ZNF681: variants seen among roughly 807,000 people sequenced by gnomAD.
The protein encoded by ZNF681 is zinc finger protein 681.
ZNF681 carries 37 observed loss-of-function variants against 56.0 expected under a neutral mutation model. The observed-to-expected ratio is 0.66, with a 90% CI of 0.51 to 0.87. The LOEUF (loss-of-function observed/expected upper bound fraction) is 0.87, where lower values mean the gene tolerates loss of function less well. Ranked by LOEUF, ZNF681 falls within the 40% of genes least tolerant of loss-of-function variation. ZNF681 has a pLI of 0.00. For missense variants in ZNF681, 741 were observed against 744.9 expected (o/e 0.99, Z 0.06); for synonymous variants, 225 against 248.6 (o/e 0.91, Z 0.89).
chr19:23,749,786 T>C (rs1251699922), intron 3 of ZNF681, among the ~76,000 whole-genome samples: 2 of 116,550 alleles, frequency 1.7e-5, no homozygotes, highest in East Asian at 2.5e-4. Context: ...TTTTATGTTA[T>C]GTGTTTTTAC....
intron 3 of ZNF681, among the ~76,000 whole-genome samples, chr19:23,753,235 C>A (rs1005590619): frequency 5.3e-5 from 8 of 152,280 alleles, no homozygotes; most frequent in Admixed American, 3.9e-4. Flanking sequence ...CCCATCTATA[C>A]TAAAAATACA....
intron 3 of ZNF681, among the ~76,000 whole-genome samples, chr19:23,752,939 G>A (rs1430355744): frequency 6.6e-6 from 1 of 151,874 alleles, no homozygotes; most frequent in Non-Finnish European, 1.5e-5. Flanking sequence ...AGACAAGTAA[G>A]TAAAAAGTTG....
chr19:23,749,701 A>C (rs1161074878), intron 3 of ZNF681, among the ~76,000 whole-genome samples: 1 of 152,104 alleles, frequency 6.6e-6, no homozygotes, highest in African/African-American at 2.4e-5. Context: ...TCCTGCCTTA[A>C]GATCCTCAAA....
In ZNF681 at chr19:23,741,396, C is replaced by T. The variant is rs960305965; in HGVS notation, c.*2216G>A. 3 of 152,050 alleles carry T rather than the reference C, an allele frequency of 2.0e-5. No homozygotes were observed. Among genetic ancestry groups the T allele is most frequent in the Admixed American group, 6.6e-5 (1 of 15,246 alleles). 9.4% of individuals were successfully genotyped at this position (152,050 alleles called of 1,614,324 possible). A position where few individuals can be genotyped will look rare whatever the true frequency, so the allele number is the denominator to read the frequency against. On this transcript the variant is annotated 3_prime_UTR_variant, in exon 4 of 4. Coordinates refer to ENST00000402377, the MANE Select transcript of ZNF681 (RefSeq NM_138286.3). The stretch of plus-strand genomic sequence containing the variant: ...ACCATAAAAGAGACCCTGTAGCCAA[C>T]AACAATTTAATGTACATTTGAAAAC...
chr19:23,750,859 C>T (rs1268572120), intron 3 of ZNF681, among the ~76,000 whole-genome samples: 1 of 150,300 alleles, frequency 6.7e-6, no homozygotes, highest in Admixed American at 6.6e-5. Context: ...CGCAGTGGCT[C>T]ACACCTGTAA....
At chr19:23,753,938 C>T (rs937353800) in intron 3 of ZNF681, among the ~76,000 whole-genome samples, 6 of 148,514 alleles carry the variant, frequency 4.0e-5, no homozygotes, top group Admixed American at 2.7e-4. Flanking sequence ...ATTCCAGTGG[C>T]GTTTTACAGT....
In ZNF681 at chr19:23,745,219, A is replaced by C. The variant is rs968031763; in HGVS notation, c.331T>G (p.Leu111Val). 1.9e-6 allele frequency: 3 copies of C among 1,611,978 alleles called. No individual in the cohort carries two copies. Among genetic ancestry groups the C allele is most frequent in the African/African-American group, 2.7e-5 (2 of 74,756 alleles). ...TCATCCACACTTTTACTTAACTGTA[A>C]ATTCTCATGTTCACATTTTCCATAT... is the stretch of plus-strand genomic sequence containing the variant. ...RRYGKCEHEN[L>V]QLSKSVDECK... The change falls in exon 4 of 4, where the codon TTA becomes GTA. Residue 111 changes from leucine (L) to valine (V), a missense_variant. Leu to Val is a conservative substitution (Grantham distance 32). Coordinates refer to ENST00000402377, the MANE Select transcript of ZNF681 (RefSeq NM_138286.3).
At position 23,755,562 on chromosome 19, in the gene ZNF681, C is replaced by CAA. The variant is rs1344220086; in HGVS notation, c.4-12_4-11insTT. ...AAATTTCAATGGTTCCTGAAAAACA[C>CAA]ACACACACACACACACACACACACA... On this transcript the variant is annotated splice_polypyrimidine_tract_variant and intron_variant, in intron 1 of 3. Transcript: ENST00000402377. The CAA allele has an allele frequency of 7.8e-7, 1 of 1,276,426 alleles. No homozygotes were observed. The highest frequency in any genetic ancestry group is 1.9e-5 in the African/African-American group (1 of 53,936). The allele number at this position is 1,276,426 out of a possible 1,614,324, so 79.1% of individuals were successfully genotyped here.
At chr19:23,758,721 C>T in intron 1 of ZNF681, 26 bp downstream of exon 1, 1 of 1,614,196 alleles carries the variant, frequency 6.2e-7, no homozygotes, top group Non-Finnish European at 8.5e-7. Flanking sequence ...TCCCCTCTCT[C>T]GGGATGTCGG....
rs1360228238 is a variant in ZNF681 at position 23,743,693 on chromosome 19, T to C, written c.1857A>G (p.Lys619=). The change falls in exon 4 of 4, where the codon AAA becomes AAG. Residue 619 remains lysine, a synonymous_variant. Coordinates refer to ENST00000402377, the MANE Select transcript of ZNF681 (RefSeq NM_138286.3). ...KKIHTGEKLY[K]PKRCNSDFEN... ...CAAAATCACTGTTACATCTTTTAGG[T>C]TTGTAGAGTTTCTCACCAGTATGAA... 6.2e-7 allele frequency: 1 copy of C among 1,607,388 alleles called. No homozygotes were observed. The highest frequency in any genetic ancestry group is 8.5e-7 in the Non-Finnish European group (1 of 1,176,790).
chr19:23,750,282 T>C (rs1369062403), intron 3 of ZNF681, among the ~76,000 whole-genome samples: 3 of 39,742 alleles, frequency 7.5e-5, no homozygotes, highest in African/African-American at 3.7e-4. Flanking sequence ...AGACTCCAAC[T>C]CAAAAAAAAA....
At chr19:23,750,657 C>T (rs1969014284) in intron 3 of ZNF681, among the ~76,000 whole-genome samples, 1 of 149,050 alleles carries the variant, frequency 6.7e-6, no homozygotes, top group Non-Finnish European at 1.5e-5. Context: ...GCCTGGCCAA[C>T]ATGGGGAAAC....
intron 3 of ZNF681, among the ~76,000 whole-genome samples, chr19:23,748,562 T>C (rs1968979545): frequency 6.6e-6 from 1 of 152,176 alleles, no homozygotes; most frequent in Non-Finnish European, 1.5e-5. Context: ...TCACGGCCCT[T>C]ATTCACTAGA....
At chr19:23,757,355 C>T (rs1300430355) in intron 1 of ZNF681, among the ~76,000 whole-genome samples, 1 of 151,942 alleles carries the variant, frequency 6.6e-6, no homozygotes, top group Non-Finnish European at 1.5e-5. Context: ...AAAAGCCCGG[C>T]ATTTTTATTT....
At chr19:23,754,248 T>C (rs1456245885) in intron 3 of ZNF681, among the ~76,000 whole-genome samples, 2 of 152,188 alleles carry the variant, frequency 1.3e-5, no homozygotes, top group Admixed American at 6.6e-5. Flanking sequence ...TGCAGTCTCT[T>C]ACATGCCATT....
At chr19:23,749,649 T>G (rs1412249064) in intron 3 of ZNF681, among the ~76,000 whole-genome samples, 6 of 151,890 alleles carry the variant, frequency 4.0e-5, no homozygotes, top group Non-Finnish European at 5.9e-5. Flanking sequence ...AATCTCCATA[T>G]GTTGCCCAGG....
intron 3 of ZNF681, 40 bp downstream of exon 3, chr19:23,754,783 A>T (rs749921850): frequency 6.6e-7 from 1 of 1,511,782 alleles, no homozygotes; most frequent in Admixed American, 1.7e-5. Flanking sequence ...TGAACCGCTC[A>T]TCTATGTTAT....
chr19:23,742,600 T>C lies in ZNF681; in HGVS notation c.*1012A>G, dbSNP rs1968886449. 1.3e-5 allele frequency: 2 copies of C among 152,154 alleles called. No homozygotes were observed. The highest frequency in any genetic ancestry group is 6.5e-5 in the Admixed American group (1 of 15,270). The allele number at this position is 152,154 out of a possible 1,614,324, so 9.4% of individuals were successfully genotyped here. A position where few individuals can be genotyped will look rare whatever the true frequency, so the allele number is the denominator to read the frequency against. On this transcript the variant is annotated 3_prime_UTR_variant, in exon 4 of 4. Transcript: ENST00000402377. ...CTACCTCATGCATCAGTCAATATTA[T>C]AAATTAACCAGAAAGAGCCTCTCCA...
At position 23,742,876 on chromosome 19, in the gene ZNF681, T is replaced by G. The variant is rs1968889593; in HGVS notation, c.*736A>C. ...AATGTAGTTACAACTCTGCAAAAAT[T>G]TTCTACTTCTTATAATGTTATATAC... is the stretch of plus-strand genomic sequence containing the variant. On this transcript the variant is annotated 3_prime_UTR_variant, in exon 4 of 4. Transcript: ENST00000402377. 1 of 152,140 alleles carries G rather than the reference T, an allele frequency of 6.6e-6. No homozygotes were observed. 9.4% of individuals were successfully genotyped at this position (152,140 alleles called of 1,614,324 possible).
Sources: gnomAD v4.1 joint callset for allele counts (sites outside exome capture counted in the v4.1 genomes callset) on GRCh38, gnomAD v4.1.1 for gene constraint, MANE v1.5 for transcripts, NCBI Gene and HGNC (gene_info 2026-07-23, HGNC 2026-07-21) for gene names.